TTC6: variants seen among roughly 807,000 people sequenced by gnomAD.
The protein encoded by TTC6 is tetratricopeptide repeat protein 6.
In TTC6, 172 loss-of-function variants were observed where a neutral mutation model predicts 210.4. The ratio of observed to expected loss-of-function variants is 0.82; its 90% CI spans 0.72 to 0.93. The LOEUF (loss-of-function observed/expected upper bound fraction) is 0.93. Ranked by LOEUF, TTC6 falls within the 40% of genes least tolerant of loss-of-function variation. TTC6 has a pLI of 0.00. For synonymous variants in TTC6, 804 were observed against 819.6 expected (o/e 0.98, Z 0.32); for missense variants, 2,414 against 2,318.1 (o/e 1.04, Z -0.85).
chr14:37,835,661 G>C (rs1343980958), intron 29 of TTC6, among the ~76,000 whole-genome samples: 1 of 152,160 alleles, frequency 6.6e-6, no homozygotes. Context: ...GGTGAAGAAA[G>C]AAAGACAAGA....
rs1448198205 is a variant in TTC6 at position 37,826,357 on chromosome 14, A to G, written c.5127+10A>G. ...TAATGCTGCCATGAAGGTAAAAACC[A>G]TCTTAGATTATATTATTATTAGCAT... On this transcript the variant is annotated intron_variant, in intron 28 of 30. Transcript: ENST00000553443. 7 of 1,583,692 alleles carry G rather than the reference A, an allele frequency of 4.4e-6. No individual in the cohort carries two copies. The highest frequency in any genetic ancestry group is 1.4e-5 in the African/African-American group (1 of 73,562).
chr14:37,799,538 A>G (rs1421788397), intron 20 of TTC6, among the ~76,000 whole-genome samples: 1 of 152,084 alleles, frequency 6.6e-6, no homozygotes, highest in Non-Finnish European at 1.5e-5. Flanking sequence ...CTTCTAACCA[A>G]CAGAGTATGG....
intron 10 of TTC6, among the ~76,000 whole-genome samples, chr14:37,743,061 A>G (rs1177474578): frequency 6.6e-6 from 1 of 152,204 alleles, no homozygotes; most frequent in East Asian, 1.9e-4. Context: ...CTTACATCTC[A>G]TCTCAGATTA....
intron 5 of TTC6, among the ~76,000 whole-genome samples, chr14:37,706,796 T>C (rs2095836445): frequency 6.6e-6 from 1 of 152,126 alleles, no homozygotes; most frequent in Non-Finnish European, 1.5e-5. Context: ...GTTTTATTTT[T>C]TGCTTTATTT....
At chr14:37,824,137 C>G (rs974718420) in intron 27 of TTC6, among the ~76,000 whole-genome samples, 180 bp downstream of exon 29, 4 of 152,004 alleles carry the variant, frequency 2.6e-5, no homozygotes, top group Non-Finnish European at 5.9e-5. Flanking sequence ...GAGAGGCTGC[C>G]TGGATCTGGA....
At chr14:37,794,271 T>A (rs573630609) in intron 17 of TTC6, among the ~76,000 whole-genome samples, 7 of 152,340 alleles carry the variant, frequency 4.6e-5, no homozygotes, top group African/African-American at 1.7e-4. Context: ...TTGTTTAAAC[T>A]AATCTCAAAC....
chr14:37,810,010 C>T (rs147906548), intron 24 of TTC6, among the ~76,000 whole-genome samples: 9 of 152,288 alleles, frequency 5.9e-5, no homozygotes, highest in African/African-American at 1.4e-4. Context: ...TTCTGTGAAA[C>T]GTGGACAGTG....
At chr14:37,727,347 G>A (rs1393275184) in intron 7 of TTC6, among the ~76,000 whole-genome samples, 2 of 131,894 alleles carry the variant, frequency 1.5e-5, no homozygotes, top group East Asian at 4.5e-4. Context: ...AGGCTGGAGT[G>A]CAGTGGTGCG....
rs562134390 is a variant in TTC6 at position 37,607,410 on chromosome 14, T to C, written c.-155+668T>C. Among the ~76,000 whole-genome samples the C allele has an allele frequency of 3.4e-4, 52 of 152,254 alleles. No individual in the cohort carries two copies. In the South Asian group the frequency reaches 0.01, roughly 30 times the overall value. On this transcript the variant is annotated intron_variant, in intron 2 of 2. Coordinates refer to the TTC6 transcript ENST00000556845. Reference sequence around the variant, plus strand: ...TCAGTCTTGACTAGTGCTAAACCAGTGACATTATTTAGGTGTGACCATCAA... The same window carrying C: ...TCAGTCTTGACTAGTGCTAAACCAGCGACATTATTTAGGTGTGACCATCAA...
chr14:37,841,466 G>C, exon 30 of TTC6: 2 of 1,588,760 alleles, frequency 1.3e-6, no homozygotes, highest in Non-Finnish European at 1.7e-6. Context: ...CTTCTCAAAA[G>C]CTTTAAAATT....
Position 37,792,113 on chromosome 14 carries a change from G to A in TTC6, c.3558-151G>A, listed in dbSNP as rs1020075620. 3.1e-5 allele frequency: 18 copies of A among 587,130 alleles called. No homozygotes were observed. The African/African-American group carries it at 3.2e-4, about 11-fold the overall frequency. The allele number at this position is 587,130 out of a possible 1,614,324, so 36.4% of individuals were successfully genotyped here. The stretch of plus-strand genomic sequence containing the variant: ...AGGTGTTTATAGTTTTTCATAGAGA[G>A]CAGCTAACTAATTTACTTTCCTTTG... On this transcript the variant is annotated intron_variant, in intron 16 of 30. Coordinates refer to ENST00000553443, the Ensembl canonical transcript of TTC6.
At chr14:37,714,932 C>T (rs1490436748) in intron 6 of TTC6, 136 bp downstream of exon 8, 12 of 773,016 alleles carry the variant, frequency 1.6e-5, no homozygotes, top group Non-Finnish European at 2.2e-5. Context: ...AATCCCAGAA[C>T]TTTGGGAGGA....
intron 1 of TTC6, among the ~76,000 whole-genome samples, chr14:37,625,746 C>A (rs1022636280): frequency 3.3e-5 from 5 of 152,000 alleles, no homozygotes; most frequent in African/African-American, 1.2e-4. Context: ...CATAGCAATC[C>A]CTAGAGGGAA....
intron 10 of TTC6, 100 bp downstream of exon 12, chr14:37,739,255 T>C: frequency 8.6e-7 from 1 of 1,162,532 alleles, no homozygotes; most frequent in South Asian, 1.8e-5. Context: ...TATTCTGCAC[T>C]GAACATATGA....
intron 3 of TTC6, 124 bp downstream of exon 5, chr14:37,683,088 C>T: frequency 2.6e-6 from 2 of 783,504 alleles, no homozygotes; most frequent in East Asian, 2.7e-5. Context: ...GGTGTGTTCA[C>T]TCTGAAAAGG....
Position 37,731,224 on chromosome 14 carries a change from T to G in TTC6, c.1819-4697T>G, listed in dbSNP as rs72674295. 6.3e-3 allele frequency among the ~76,000 whole-genome samples: 952 copies of G among 152,314 alleles called. 4 individuals are homozygous for G. The highest frequency in any genetic ancestry group is 0.01 in the Non-Finnish European group (697 of 68,022). On this transcript the variant is annotated intron_variant, in intron 7 of 30. Transcript: ENST00000553443. ...TAAAGACACCTTATTTAATATATAT[T>G]GTTGATTCATTGCTACTGAAGTCAT...
intron 4 of TTC6, among the ~76,000 whole-genome samples, chr14:37,697,544 T>C (rs76326565): frequency 0.013 from 2,033 of 152,278 alleles, 44 homozygotes; most frequent in African/African-American, 0.046. Flanking sequence ...CTTAGGGAAC[T>C]AACTGAAAGG....
At chr14:37,778,060 T>C (rs534461752) in intron 14 of TTC6, among the ~76,000 whole-genome samples, 2 of 152,230 alleles carry the variant, frequency 1.3e-5, no homozygotes, top group South Asian at 2.1e-4. Flanking sequence ...ATGTGCTTCA[T>C]TGGGTGGTGG....
At position 37,829,487 on chromosome 14, in the gene TTC6, T is replaced by C. The variant is rs377517165; in HGVS notation, c.5298+2121T>C. ...TTAGTTTCTCTACTATGAACAACAA[T>C]AAAATTACCCTGTAAACTCCTCCTC... On this transcript the variant is annotated intron_variant, in intron 29 of 30. Transcript: ENST00000553443. 3.9e-5 allele frequency among the ~76,000 whole-genome samples: 6 copies of C among 151,976 alleles called. No homozygotes were observed. The East Asian group carries it at 5.8e-4, about 15-fold the overall frequency.
Sources: allele counts gnomAD v4.1 joint callset (sites outside exome capture counted in the v4.1 genomes callset), GRCh38; gene constraint gnomAD v4.1.1; transcripts MANE v1.5; gene names NCBI Gene and HGNC (gene_info 2026-07-23, HGNC 2026-07-21).